Variants in MYO18A observed in about 807,000 individuals in gnomAD.
MYO18A encodes unconventional myosin-XVIIIa.
In MYO18A, 78 loss-of-function variants were observed where a neutral mutation model predicts 235.8. That is an observed-to-expected ratio of 0.33 (90% confidence interval 0.28 to 0.40). The LOEUF is 0.40. Among genes scored for constraint, MYO18A ranks in the 10% least tolerant of loss-of-function variants. The pLI is 1.00. For missense variants in MYO18A, 2,215 were observed against 2,699.3 expected (o/e 0.82, Z 3.98); for synonymous variants, 977 against 1,077.8 (o/e 0.91, Z 1.83).
Position 29,114,048 on chromosome 17 carries a change from G to C in MYO18A, c.2561C>G (p.Ser854Cys). ...GGAGGCCTGGTCCACAGCAGCCACAGAGTCATCCGTCGGGGGTTCCAAGTC... is the reference window on the plus strand; with the variant it reads ...GGAGGCCTGGTCCACAGCAGCCACACAGTCATCCGTCGGGGGTTCCAAGTC... ...FDDLEPPTDD[S>C]VAAVDQASHQ... Residue 854 changes from serine to cysteine, a missense_variant, in exon 15 of 42, where the codon TCT (serine) becomes TGT (cysteine). Physicochemically the swap from Ser to Cys is moderately radical, Grantham distance 112 (BLOSUM62 -1). Coordinates refer to ENST00000527372, the MANE Select transcript of MYO18A (RefSeq NM_078471.4). 1 of 1,604,172 alleles carries C rather than the reference G, an allele frequency of 6.2e-7. No individual in the cohort carries two copies. Among genetic ancestry groups the C allele is most frequent in the Non-Finnish European group, 8.5e-7 (1 of 1,175,656 alleles).
rs2066076592 is a variant in MYO18A at position 29,079,974 on chromosome 17, A to C, written c.6020+2342T>G. ...TCGACTTGGACTTCTTGCTCTTCCG[A>C]GAGCGCCCCTTCTTCCGCCTCTTGT... On this transcript the variant is annotated intron_variant, in intron 41 of 41. Transcript: ENST00000527372. 7 of 985,846 alleles carry C rather than the reference A, an allele frequency of 7.1e-6. No individual in the cohort carries two copies. In the South Asian group the frequency reaches 3.3e-4, roughly 46 times the overall value. 61.1% of individuals were successfully genotyped at this position (985,846 alleles called of 1,614,324 possible). A position where few individuals can be genotyped will look rare whatever the true frequency, so the allele number is the denominator to read the frequency against.
chr17:29,097,405 G>T, intron 26 of MYO18A, 55 bp from the exon 27 acceptor site: 1 of 1,593,344 alleles, frequency 6.3e-7, no homozygotes, highest in East Asian at 2.2e-5. Flanking sequence ...CCCCAGAAGG[G>T]GCAGAGGGGA....
rs1207885503 is a variant in MYO18A, at chr17:29,097,345, C to T, written c.4108G>A (p.Glu1370Lys). 11 of 1,608,382 alleles carry T rather than the reference C, an allele frequency of 6.8e-6. No homozygotes were observed. Among genetic ancestry groups the T allele is most frequent in the Admixed American group, 1.7e-5 (1 of 59,988 alleles). ...GCCCGCTCATACTTCAGCCGCCACT[C>T]GCCACCTGTGGGGTTGAGGCAGACA... is the stretch of plus-strand genomic sequence containing the variant. The part of the protein sequence containing the change: ...GEVDDDDAGG[E>K]WRLKYERAVR... Residue 1370 changes from glutamate (E) to lysine (K), a missense_variant, in exon 27 of 42, where the codon GAG (glutamate) becomes AAG (lysine). Glu to Lys is a moderately conservative substitution (Grantham distance 56). Transcript: ENST00000527372.
intron 2 of MYO18A, among the ~76,000 whole-genome samples, chr17:29,123,594 G>A (rs2067251710): frequency 6.6e-6 from 1 of 152,244 alleles, no homozygotes; most frequent in Non-Finnish European, 1.5e-5. Flanking sequence ...CCCCAGATTG[G>A]AGTAGGAGGG....
chr17:29,139,120 C>T (rs2067674300), intron 2 of MYO18A, among the ~76,000 whole-genome samples: 1 of 152,182 alleles, frequency 6.6e-6, no homozygotes, highest in Non-Finnish European at 1.5e-5. Context: ...GAACAGAAAG[C>T]AGCCGGGCAC....
chr17:29,102,745 TG>T (rs2066685366), intron 21 of MYO18A, among the ~76,000 whole-genome samples: 1 of 152,130 alleles, frequency 6.6e-6, no homozygotes, highest in Non-Finnish European at 1.5e-5. Context: ...GCCAGGAAAG[TG>T]ACTCAACATG....
At chr17:29,082,514 G>A in intron 40 of MYO18A, 76 bp from the exon 41 acceptor site, 1 of 1,517,076 alleles carries the variant, frequency 6.6e-7, no homozygotes, top group Non-Finnish European at 8.9e-7. Context: ...TGGGGGTGCA[G>A]GGGGTGTCTT....
intron 37 of MYO18A, among the ~76,000 whole-genome samples, chr17:29,089,246 C>T (rs574552161): frequency 1.3e-5 from 2 of 151,086 alleles, no homozygotes; most frequent in Non-Finnish European, 3.0e-5. Flanking sequence ...TCCTGGCCAA[C>T]ATGGTGAAAC....
At chr17:29,160,487 C>T (rs1481954397) in intron 2 of MYO18A, among the ~76,000 whole-genome samples, 1 of 152,216 alleles carries the variant, frequency 6.6e-6, no homozygotes, top group Admixed American at 6.5e-5. Context: ...TTACTTAGGT[C>T]TATGCTTCCT....
At chr17:29,084,091 G>C (rs1432451086) in intron 40 of MYO18A, among the ~76,000 whole-genome samples, 1 of 152,164 alleles carries the variant, frequency 6.6e-6, no homozygotes, top group African/African-American at 2.4e-5. Flanking sequence ...GCCCAGAGCT[G>C]CTGAGGAAGG....
intron 41 of MYO18A, chr17:29,078,479 G>GT (rs2152710121): frequency 6.6e-6 from 1 of 152,374 alleles, no homozygotes; most frequent in African/African-American, 2.4e-5. Context: ...ACATCAGTCC[G>GT]TTTGGTATAA....
At chr17:29,080,417 CCTCG>C in intron 41 of MYO18A, 1 of 986,108 alleles carries the variant, frequency 1.0e-6, no homozygotes, top group Non-Finnish European at 1.2e-6. Context: ...TGCGAGCAGG[CCTCG>C]CTCAGGGCCA....
chr17:29,120,704 G>C lies in MYO18A; in HGVS notation c.1640C>G (p.Thr547Ser). The change falls in exon 7 of 42, where the codon ACC (threonine) becomes AGC (serine). Residue 547 changes from threonine (T) to serine (S), a missense_variant. Physicochemically the swap from Thr to Ser is moderately conservative, Grantham distance 58 (BLOSUM62 1). Coordinates refer to ENST00000527372, the MANE Select transcript of MYO18A (RefSeq NM_078471.4). The surrounding 1 kb of genome is among the most constrained non-coding windows in gnomAD (Gnocchi z 4.2). ...TLLEAFGNSP[T>S]IINGNATRFS... ...GCGGGTGGCATTGCCATTAATGATGGTGGGGCTGTTCCCAAAGGCTTCCAG... is the reference window on the plus strand; with the variant it reads ...GCGGGTGGCATTGCCATTAATGATGCTGGGGCTGTTCCCAAAGGCTTCCAG... 6.2e-7 allele frequency: 1 copy of C among 1,613,994 alleles called. No homozygotes were observed. Among genetic ancestry groups the C allele is most frequent in the Non-Finnish European group, 8.5e-7 (1 of 1,179,878 alleles).
At position 29,094,853 on chromosome 17, in the gene MYO18A, G is replaced by A. The variant is rs750975001; in HGVS notation, c.4510-3C>T. 6.2e-7 allele frequency: 1 copy of A among 1,614,022 alleles called. No homozygotes were observed. The highest frequency in any genetic ancestry group is 8.5e-7 in the Non-Finnish European group (1 of 1,179,888). On this transcript the variant is annotated splice_region_variant and splice_polypyrimidine_tract_variant and intron_variant, in intron 29 of 41. Coordinates refer to ENST00000527372, the MANE Select transcript of MYO18A (RefSeq NM_078471.4). Reference sequence around the variant, plus strand: ...CCTGCAATGTCCATGTCTTTTTCCTGGAGCAAAAGAGATGAGGCTGGTGCA... The same window carrying A: ...CCTGCAATGTCCATGTCTTTTTCCTAGAGCAAAAGAGATGAGGCTGGTGCA...
chr17:29,138,364 G>A (rs554085720), intron 2 of MYO18A, among the ~76,000 whole-genome samples: 29 of 152,128 alleles, frequency 1.9e-4, no homozygotes, highest in African/African-American at 7.0e-4. Flanking sequence ...ACACACCGGA[G>A]GCTTCTCCTT....
At chr17:29,088,992 G>T (rs986398369) in intron 37 of MYO18A, among the ~76,000 whole-genome samples, 1 of 149,514 alleles carries the variant, frequency 6.7e-6, no homozygotes, top group Admixed American at 6.7e-5. Flanking sequence ...GCTACAGTGA[G>T]CCATGATTGC....
intron 1 of MYO18A, among the ~76,000 whole-genome samples, chr17:29,179,236 A>G (rs976291617): frequency 6.6e-6 from 1 of 152,060 alleles, no homozygotes; most frequent in East Asian, 1.9e-4. Context: ...CCGCTCAAAA[A>G]CAAACTGGCT....
chr17:29,133,100 C>T (rs2067512252), intron 2 of MYO18A, among the ~76,000 whole-genome samples: 1 of 152,240 alleles, frequency 6.6e-6, no homozygotes, highest in African/African-American at 2.4e-5. Flanking sequence ...ATCTGTCCTC[C>T]CTCCAGTGGC....
rs1037248826 is a variant in MYO18A, at chr17:29,085,968, T to C, written c.5853-320A>G. 2.6e-5 allele frequency among the ~76,000 whole-genome samples: 4 copies of C among 152,232 alleles called. No homozygotes were observed. The East Asian group carries it at 7.7e-4, about 29-fold the overall frequency. ...TAGGGCAGCCCTGGGAGCTTCTCCA[T>C]GGCCTGGTGCTACCCCGCACTGCTG... On this transcript the variant is annotated intron_variant, in intron 39 of 41. Transcript: ENST00000527372.
Sources: gnomAD v4.1 joint callset for allele counts (sites outside exome capture counted in the v4.1 genomes callset) on GRCh38, gnomAD v4.1.1 for gene constraint, Gnocchi (gnomAD v3.1) non-coding constraint, MANE v1.5 for transcripts, NCBI Gene and HGNC (gene_info 2026-07-23, HGNC 2026-07-21) for gene names.